Variants in PHACTR4 observed in about 807,000 individuals in gnomAD.
PHACTR4 encodes phosphatase and actin regulator 4, also known as protein phosphatase 1, regulatory subunit 124.
In PHACTR4, 51 loss-of-function variants were observed where a neutral mutation model predicts 72.7. The observed-to-expected ratio is 0.70, with a 90% CI of 0.56 to 0.89. The LOEUF is 0.89. PHACTR4 is among the 40% of genes least tolerant of loss of function. The probability of loss-of-function intolerance (pLI) is 0.00; values close to 1 mark genes in which losing one functional copy is unlikely to be tolerated. For synonymous variants in PHACTR4, 255 were observed against 302.5 expected, an observed-to-expected ratio of 0.84 and a Z score of 1.63; for missense variants, 731 against 861.8, an observed-to-expected ratio of 0.85 and a Z score of 1.90.
intron 1 of PHACTR4, among the ~76,000 whole-genome samples, chr1:28,399,054 G>A (rs1203329603): frequency 2.0e-5 from 3 of 152,084 alleles, no homozygotes; most frequent in Admixed American, 2.0e-4. Context: ...GCTCACATCT[G>A]TAATCTCTGC....
intron 1 of PHACTR4, among the ~76,000 whole-genome samples, chr1:28,377,091 G>A (rs191291318): frequency 6.6e-5 from 10 of 151,076 alleles, no homozygotes; most frequent in African/African-American, 1.2e-4. Context: ...CACCATGCCC[G>A]GCTAAATTTT....
chr1:28,442,402 T>G (rs532340582), intron 2 of PHACTR4, among the ~76,000 whole-genome samples: 4 of 149,866 alleles, frequency 2.7e-5, no homozygotes, highest in Admixed American at 2.7e-4. Context: ...AGGCGGAGGA[T>G]GCAGTGAGCC....
In PHACTR4 at chr1:28,443,281, CTCT is replaced by C. The variant is rs764188201; in HGVS notation, c.17-15799_17-15797del. On this transcript the variant is annotated intron_variant, in intron 2 of 13. Coordinates refer to ENST00000373839, the MANE Select transcript of PHACTR4 (RefSeq NM_001048183.3). Reference sequence around the variant, plus strand: ...TTTCATTGTCTTTCTTTCTCTCTCTCTCTTCTTTCTTTCTTTCGTTCTTTCGTC... The same window carrying C: ...TTTCATTGTCTTTCTTTCTCTCTCTCTCTTTCTTTCTTTCGTTCTTTCGTC... Among the ~76,000 whole-genome samples, 229 of 62,438 alleles carry C rather than the reference CTCT, an allele frequency of 3.7e-3. 2 individuals are homozygous for C. The Middle Eastern group carries it at 0.041, about 11-fold the overall frequency. 41.0% of individuals were successfully genotyped at this position (62,438 alleles called of 152,430 possible). A position where few individuals can be genotyped will look rare whatever the true frequency, so the allele number is the denominator to read the frequency against.
At chr1:28,477,375 G>A (rs1156768944) in intron 8 of PHACTR4, among the ~76,000 whole-genome samples, 1 of 151,712 alleles carries the variant, frequency 6.6e-6, no homozygotes, top group South Asian at 2.1e-4. Flanking sequence ...ACTGTGCCCA[G>A]CTGCCCAGGC....
intron 7 of PHACTR4, among the ~76,000 whole-genome samples, chr1:28,474,794 C>T (rs924815677): frequency 4.5e-4 from 68 of 152,090 alleles, no homozygotes; most frequent in African/African-American, 1.2e-3. Flanking sequence ...CCACCTGCAT[C>T]GGTCTCACAA....
At chr1:28,476,415 C>A in intron 8 of PHACTR4, 124 bp downstream of exon 8, 3 of 1,007,322 alleles carry the variant, frequency 3.0e-6, no homozygotes, top group Non-Finnish European at 2.8e-6. Context: ...ATCTGGCTAA[C>A]TGATGTTGGA....
At chr1:28,407,320 A>G (rs1216271981) in intron 1 of PHACTR4, 90 bp from the exon 2 acceptor site, 5 of 580,500 alleles carry the variant, frequency 8.6e-6, no homozygotes, top group Non-Finnish European at 1.5e-5. Flanking sequence ...ACTATAGTCA[A>G]TGTTACTGAA....
intron 9 of PHACTR4, among the ~76,000 whole-genome samples, chr1:28,484,703 C>T (rs1297307080): frequency 6.6e-6 from 1 of 151,444 alleles, no homozygotes. Context: ...CGCAGTGGCT[C>T]ATGCCTGTAA....
chr1:28,371,639 C>T (rs184405470), intron 1 of PHACTR4, among the ~76,000 whole-genome samples: 6 of 151,866 alleles, frequency 4.0e-5, no homozygotes, highest in African/African-American at 1.2e-4. Context: ...CGCTGGGTTT[C>T]CCAGGCTGGA....
At chr1:28,370,611 CAA>C (rs112345135) in intron 1 of PHACTR4, among the ~76,000 whole-genome samples, 1 of 130,222 alleles carries the variant, frequency 7.7e-6, no homozygotes, top group Non-Finnish European at 1.6e-5. Flanking sequence ...TGATTGCTTG[CAA>C]AAAAAAAAAA....
intron 1 of PHACTR4, among the ~76,000 whole-genome samples, chr1:28,377,999 C>T (rs1245471788): frequency 1.3e-5 from 2 of 149,090 alleles, no homozygotes; most frequent in Non-Finnish European, 3.0e-5. Flanking sequence ...AGATTGAGAC[C>T]ATCCTGGCTA....
At chr1:28,414,524 C>T (rs1325074872) in intron 2 of PHACTR4, among the ~76,000 whole-genome samples, 4 of 150,678 alleles carry the variant, frequency 2.7e-5, no homozygotes, top group Admixed American at 6.6e-5. Flanking sequence ...ACTATAGGCA[C>T]ATACCACCAT....
chr1:28,479,213 G>C (rs1236598651), intron 8 of PHACTR4, among the ~76,000 whole-genome samples: 2 of 152,046 alleles, frequency 1.3e-5, no homozygotes, highest in Admixed American at 1.3e-4. Flanking sequence ...CTGAGGTCAG[G>C]AGTTCGAGAT....
chr1:28,452,844 C>T (rs1388022574), intron 2 of PHACTR4, among the ~76,000 whole-genome samples: 1 of 151,260 alleles, frequency 6.6e-6, no homozygotes, highest in Non-Finnish European at 1.5e-5. Context: ...TAAGTCCGGG[C>T]ACAGTGGCTC....
rs139376744 is a variant in PHACTR4 at position 28,465,561 on chromosome 1, G to C, written c.272-124G>C. The C allele has an allele frequency of 5.9e-3, 5,898 of 992,250 alleles. 21 individuals are homozygous for C. Among genetic ancestry groups the C allele is most frequent in the Non-Finnish European group, 6.7e-3 (4,531 of 681,112 alleles). 61.5% of individuals were successfully genotyped at this position (992,250 alleles called of 1,614,324 possible). ...AGCCCAGGAGTTCAAGACCAGCCTG[G>C]GCAACATAGTGAGACCCTGTCTCAA... On this transcript the variant is annotated intron_variant, in intron 4 of 13. Coordinates refer to ENST00000373839, the MANE Select transcript of PHACTR4 (RefSeq NM_001048183.3).
chr1:28,439,653 T>C (rs921171214), intron 2 of PHACTR4, among the ~76,000 whole-genome samples: 3 of 152,194 alleles, frequency 2.0e-5, no homozygotes, highest in African/African-American at 7.2e-5. Flanking sequence ...TAAAGAATCA[T>C]CTGGGGCCAC....
chr1:28,449,105 T>C (rs904085820), intron 2 of PHACTR4, among the ~76,000 whole-genome samples: 10 of 152,078 alleles, frequency 6.6e-5, no homozygotes, highest in African/African-American at 1.2e-4. Flanking sequence ...ATCATGCCAT[T>C]GTATTCCAAG....
chr1:28,492,497 C>T (rs996784907), intron 12 of PHACTR4, among the ~76,000 whole-genome samples: 3 of 149,624 alleles, frequency 2.0e-5, no homozygotes, highest in Non-Finnish European at 3.0e-5. Context: ...TGCAGTGGCT[C>T]ACACCTGTAA....
intron 1 of PHACTR4, among the ~76,000 whole-genome samples, chr1:28,394,226 G>GT (rs1183970211): frequency 7.4e-6 from 1 of 135,632 alleles, no homozygotes; most frequent in Admixed American, 7.9e-5. Flanking sequence ...TAGTGTCTTA[G>GT]TTTTTAACAA....
Sources: allele counts gnomAD v4.1 joint callset (sites outside exome capture counted in the v4.1 genomes callset), GRCh38; gene constraint gnomAD v4.1.1; transcripts MANE v1.5; gene names NCBI Gene and HGNC (gene_info 2026-07-23, HGNC 2026-07-21).